Variants in MDGA1 observed in about 807,000 individuals in gnomAD.
MDGA1 encodes MAM domain containing glycosylphosphatidylinositol anchor 1.
A neutral mutation model predicts 101.5 loss-of-function variants in MDGA1; 54 were observed. The observed-to-expected ratio is 0.53, with a 90% CI of 0.43 to 0.67. MDGA1 has a LOEUF of 0.67. Among genes scored for constraint, MDGA1 ranks in the 30% least tolerant of loss-of-function variants. The pLI is 0.00. For synonymous variants in MDGA1, 533 were observed against 558.3 expected (o/e 0.95, Z 0.64); for missense variants, 1,083 against 1,323.8 (o/e 0.82, Z 2.82).
chr6:37,669,606 C>T (rs142308277), intron 1 of MDGA1, among the ~76,000 whole-genome samples: 1 of 152,292 alleles, frequency 6.6e-6, no homozygotes, highest in African/African-American at 2.4e-5. Context: ...TGGCCAGAAC[C>T]ATGTTTCTGA....
At chr6:37,680,936 G>A (rs2114091414) in intron 1 of MDGA1, among the ~76,000 whole-genome samples, 1 of 152,262 alleles carries the variant, frequency 6.6e-6, no homozygotes, top group East Asian at 1.9e-4. Flanking sequence ...AGCAGGGCCT[G>A]CTGGGAAGGC....
chr6:37,650,056 T>A, intron 8 of MDGA1, 53 bp downstream of exon 8: 1 of 1,607,704 alleles, frequency 6.2e-7, no homozygotes, highest in Non-Finnish European at 8.5e-7. Context: ...ACAGGCCGGC[T>A]GGGAGCCAGA....
intron 6 of MDGA1, among the ~76,000 whole-genome samples, chr6:37,654,022 G>C (rs1761425775): frequency 6.6e-6 from 1 of 152,116 alleles, no homozygotes; most frequent in African/African-American, 2.4e-5. Flanking sequence ...CTACTTCTTG[G>C]ATTGTTGAGG....
At position 37,638,315 on chromosome 6, in the gene MDGA1, T is replaced by A. The variant is rs1335471844; in HGVS notation, c.2668-2A>T. 6.2e-7 allele frequency: 1 copy of A among 1,600,724 alleles called. No homozygotes were observed. Among genetic ancestry groups the A allele is most frequent in the Non-Finnish European group, 8.5e-7 (1 of 1,172,304 alleles). ...GCCTCGAACCCCCTCAAAAATAATC[T>A]GGGGTGGGGTCAGAAAGCAAGGAGC... On this transcript the variant is annotated splice_acceptor_variant, in intron 15 of 16. Transcript: ENST00000434837. LOFTEE classifies it high-confidence loss of function. This position sits in a 1 kb window ranked among gnomAD's most constrained non-coding sequence, Gnocchi z 4.8.
intron 1 of MDGA1, among the ~76,000 whole-genome samples, chr6:37,671,297 T>C (rs568973764): frequency 2.0e-5 from 3 of 152,354 alleles, no homozygotes; most frequent in African/African-American, 7.2e-5. Context: ...TCTGTGTAAC[T>C]TGGTTTAACT....
Position 37,696,723 on chromosome 6 carries a change from G to C in MDGA1, c.67+22C>G. The C allele has an allele frequency of 6.4e-7, 1 of 1,566,542 alleles. No homozygotes were observed. Among genetic ancestry groups the C allele is most frequent in the Non-Finnish European group, 8.7e-7 (1 of 1,154,442 alleles). On this transcript the variant is annotated intron_variant, in intron 1 of 16. Transcript: ENST00000434837. This position sits in a 1 kb window ranked among gnomAD's most constrained non-coding sequence, Gnocchi z 5.6. Reference sequence around the variant, plus strand: ...TTTCCGCGCGAGGTTAAGCCAAGGTGGAGCGGGACGCGGGCTCTTACCGTA... The same window carrying C: ...TTTCCGCGCGAGGTTAAGCCAAGGTCGAGCGGGACGCGGGCTCTTACCGTA...
chr6:37,650,822 T>C (rs911444840), intron 7 of MDGA1, among the ~76,000 whole-genome samples: 1 of 152,206 alleles, frequency 6.6e-6, no homozygotes, highest in African/African-American at 2.4e-5. Context: ...ATCCTTGCCC[T>C]TTCGTCCTAA....
At position 37,638,613 on chromosome 6, in the gene MDGA1, G is replaced by T; in HGVS notation, c.2591C>A (p.Ala864Asp). 1 of 1,614,008 alleles carries T rather than the reference G, an allele frequency of 6.2e-7. No homozygotes were observed. The highest frequency in any genetic ancestry group is 8.5e-7 in the Non-Finnish European group (1 of 1,179,880). ...GCCCTTATTGCCACTGAGAGACCAG[G>T]CGTGCGTGTCCAGAGCCCCTTTGTT... The part of the protein sequence containing the change: ...SRNKGALDTH[A>D]WSLSGNKGNV... The change falls in exon 15 of 17, where the codon GCC becomes GAC. Residue 864 changes from alanine (A) to aspartate (D), a missense_variant. By Grantham distance (126) the Ala-to-Asp change is moderately radical. Transcript: ENST00000434837. The surrounding 1 kb of genome is among the most constrained non-coding windows in gnomAD (Gnocchi z 4.8).
chr6:37,639,325 T>C (rs191980583), intron 14 of MDGA1: 2 of 152,622 alleles, frequency 1.3e-5, no homozygotes, highest in African/African-American at 4.8e-5. Flanking sequence ...AGGAAGACCC[T>C]GGATGTATCG....
intron 2 of MDGA1, among the ~76,000 whole-genome samples, chr6:37,659,761 C>T (rs567510521): frequency 3.9e-5 from 6 of 152,236 alleles, no homozygotes; most frequent in East Asian, 3.9e-4. Context: ...ATCCCCTGCC[C>T]GCATTTGACT....
chr6:37,639,994 T>C (rs1764024523), intron 14 of MDGA1, among the ~76,000 whole-genome samples: 1 of 152,188 alleles, frequency 6.6e-6, no homozygotes, highest in Non-Finnish European at 1.5e-5. Context: ...ACACAGACCT[T>C]CCTGCAAGGA....
chr6:37,655,650 T>G lies in MDGA1; in HGVS notation c.579+50A>C. 1 of 1,436,886 alleles carries G rather than the reference T, an allele frequency of 7.0e-7. No homozygotes were observed. Among genetic ancestry groups the G allele is most frequent in the Non-Finnish European group, 9.4e-7 (1 of 1,059,684 alleles). 89.0% of individuals were successfully genotyped at this position (1,436,886 alleles called of 1,614,324 possible). ...AACTCAGCCCCATGCCCCCCTCCCC[T>G]GTTGGATGCAGGAGAAGTGGTATGG... On this transcript the variant is annotated intron_variant, in intron 4 of 16. Transcript: ENST00000434837. The surrounding 1 kb of genome is among the most constrained non-coding windows in gnomAD (Gnocchi z 5.1).
In MDGA1 at chr6:37,652,030, G is replaced by A. The variant is rs201093967; in HGVS notation, c.1293C>T (p.Val431=). The part of the protein sequence containing the change: ...GAPVPDLSVE[V]NISSETVPPT... ...GCCCACCTGTCTCAGAGGAGATGTT[G>A]ACCTCGACGCTGAGGTCGGGCACGG... Residue 431 remains valine (V), a synonymous_variant, in exon 7 of 17, where the codon GTC becomes GTT. Transcript: ENST00000434837. This position sits in a 1 kb window ranked among gnomAD's most constrained non-coding sequence, Gnocchi z 4.3. The A allele has an allele frequency of 3.1e-6, 5 of 1,600,138 alleles. No homozygotes were observed. The highest frequency in any genetic ancestry group is 4.3e-6 in the Non-Finnish European group (5 of 1,175,092).
At chr6:37,668,869 A>G (rs1217153705) in intron 1 of MDGA1, among the ~76,000 whole-genome samples, 1 of 151,970 alleles carries the variant, frequency 6.6e-6, no homozygotes, top group East Asian at 1.9e-4. Flanking sequence ...CTTTTTTGAG[A>G]CGGAGTCTAG....
In MDGA1 at chr6:37,696,425, G is replaced by A. The variant is rs1005553231; in HGVS notation, c.67+320C>T. ...GGTTTCGGTGCAAGTCGCTGCACCA[G>A]TCCTAGACTGGGTCTGTCCGGGTCT... On this transcript the variant is annotated intron_variant, in intron 1 of 16. Transcript: ENST00000434837. The surrounding 1 kb of genome is among the most constrained non-coding windows in gnomAD (Gnocchi z 5.6). 1.3e-5 allele frequency among the ~76,000 whole-genome samples: 2 copies of A among 152,210 alleles called. No individual in the cohort carries two copies. Among genetic ancestry groups the A allele is most frequent in the Admixed American group, 6.5e-5 (1 of 15,286 alleles).
In MDGA1 at chr6:37,654,902, G is replaced by A. The variant is rs752263699; in HGVS notation, c.610C>T (p.Leu204=). Residue 204 remains leucine (L), a synonymous_variant, in exon 5 of 17, where the codon CTG becomes TTG. Transcript: ENST00000434837. ...GETKVLKLKN[L]RPQDYASYTC... is the part of the protein sequence containing the mutation. ...TAGCTGGCATAGTCCTGGGGCCGCAGGTTCTTCAGCTTCAGGACCTTGGTC... is the reference window on the plus strand; with the variant it reads ...TAGCTGGCATAGTCCTGGGGCCGCAAGTTCTTCAGCTTCAGGACCTTGGTC... The A allele has an allele frequency of 3.1e-6, 5 of 1,613,520 alleles. No homozygotes were observed. The highest frequency in any genetic ancestry group is 4.2e-6 in the Non-Finnish European group (5 of 1,179,840).
At chr6:37,682,535 C>T (rs1762118315) in intron 1 of MDGA1, among the ~76,000 whole-genome samples, 1 of 152,156 alleles carries the variant, frequency 6.6e-6, no homozygotes. Flanking sequence ...AAACAGGCAA[C>T]CTCTAAGCCC....
intron 3 of MDGA1, among the ~76,000 whole-genome samples, chr6:37,656,373 G>A (rs1217974395): frequency 1.4e-5 from 2 of 142,200 alleles, no homozygotes; most frequent in African/African-American, 5.3e-5. Flanking sequence ...ACTGCGCCCG[G>A]ACTCTTTTTT....
intron 1 of MDGA1, among the ~76,000 whole-genome samples, chr6:37,667,899 G>T (rs558442747): frequency 6.6e-6 from 1 of 152,194 alleles, no homozygotes; most frequent in Non-Finnish European, 1.5e-5. Flanking sequence ...CACCTGACAG[G>T]TGTATTTCCC....
Sources: gnomAD v4.1 joint callset for allele counts (sites outside exome capture counted in the v4.1 genomes callset) on GRCh38, gnomAD v4.1.1 for gene constraint, Gnocchi (gnomAD v3.1) non-coding constraint, MANE v1.5 for transcripts, NCBI Gene and HGNC (gene_info 2026-07-23, HGNC 2026-07-21) for gene names.